COBL: variants seen among roughly 807,000 people sequenced by gnomAD.
COBL encodes the protein cordon-bleu WH2 repeat protein.
COBL carries 51 observed loss-of-function variants against 98.8 expected under a neutral mutation model. The observed-to-expected ratio is 0.52, with a 90% CI of 0.41 to 0.65. The LOEUF is 0.65. COBL is among the 30% of genes least tolerant of loss of function. The probability of loss-of-function intolerance (pLI) is 0.00; values close to 1 mark genes in which losing one functional copy is unlikely to be tolerated. For missense variants in COBL, 1,617 were observed against 1,617.5 expected, an observed-to-expected ratio of 1.00 and a Z score of 0.01; for synonymous variants, 634 against 651.7, an observed-to-expected ratio of 0.97 and a Z score of 0.41.
Position 51,208,426 on chromosome 7 carries a change from G to A in COBL, c.245+11315C>T, listed in dbSNP as rs529004101. Among the ~76,000 whole-genome samples, 350 of 78,750 alleles carry A rather than the reference G, an allele frequency of 4.4e-3. 5 individuals carry two copies. Among genetic ancestry groups the A allele is most frequent in the East Asian group, 0.026 (58 of 2,244 alleles). 51.7% of individuals were successfully genotyped at this position (78,750 alleles called of 152,430 possible). A position where few individuals can be genotyped will look rare whatever the true frequency, so the allele number is the denominator to read the frequency against. On this transcript the variant is annotated intron_variant, in intron 2 of 12. Coordinates refer to ENST00000265136, the MANE Select transcript of COBL (RefSeq NM_015198.5). ...CCCCGCCCGGCCAGCCGCCCCGTCC[G>A]GGAGGGAGGTGGGGGGGGTCAGCCC...
intron 2 of COBL, among the ~76,000 whole-genome samples, chr7:51,214,822 G>A (rs1467140212): frequency 6.6e-6 from 1 of 152,144 alleles, no homozygotes; most frequent in African/African-American, 2.4e-5. Flanking sequence ...TGCTTGCCTA[G>A]CACTGTTCCC....
At chr7:51,211,765 T>C (rs1459672221) in intron 2 of COBL, among the ~76,000 whole-genome samples, 1 of 152,156 alleles carries the variant, frequency 6.6e-6, no homozygotes, top group Non-Finnish European at 1.5e-5. Context: ...GTCAGGTATG[T>C]TAGGAAAGTG....
intron 1 of COBL, among the ~76,000 whole-genome samples, chr7:51,269,573 C>G (rs1382258539): frequency 6.6e-6 from 1 of 152,234 alleles, no homozygotes; most frequent in African/African-American, 2.4e-5. Flanking sequence ...CCTGCCCCTG[C>G]TCCGGCCACT....
intron 1 of COBL, among the ~76,000 whole-genome samples, chr7:51,293,082 T>C (rs1249655093): frequency 6.6e-6 from 1 of 152,248 alleles, no homozygotes; most frequent in Admixed American, 6.5e-5. Context: ...TTAATTCTCA[T>C]CCACTGCTAG....
At chr7:51,089,944 A>C (rs1346738334) in intron 6 of COBL, among the ~76,000 whole-genome samples, 1 of 152,208 alleles carries the variant, frequency 6.6e-6, no homozygotes, top group African/African-American at 2.4e-5. Context: ...AATTAACTAA[A>C]TTAGCCCCTA....
In COBL at chr7:51,092,274, C is replaced by T. The variant is rs537108162; in HGVS notation, c.958-6970G>A. ...CTTCCACAAAACTGGTCCCTGGTGC[C>T]ACAAAGGGTGGGGACTACTGCTTCA... is the stretch of plus-strand genomic sequence containing the variant. On this transcript the variant is annotated intron_variant, in intron 6 of 12. Transcript: ENST00000265136. Among the ~76,000 whole-genome samples, 70 of 152,290 alleles carry T rather than the reference C, an allele frequency of 4.6e-4. 1 individual carries two copies. The highest frequency in any genetic ancestry group is 7.8e-4 in the Non-Finnish European group (53 of 68,020).
intron 1 of COBL, among the ~76,000 whole-genome samples, chr7:51,290,986 G>A (rs1363333409): frequency 6.6e-6 from 1 of 152,108 alleles, no homozygotes; most frequent in Non-Finnish European, 1.5e-5. Flanking sequence ...TCTTCTTTAG[G>A]TCTCCAGCAC....
chr7:51,073,314 G>T (rs1308487182), intron 7 of COBL: 2 of 688,436 alleles, frequency 2.9e-6, no homozygotes, highest in Non-Finnish European at 5.3e-6. Flanking sequence ...CACTGGGAAA[G>T]GTCCGAGGTC....
intron 6 of COBL, among the ~76,000 whole-genome samples, chr7:51,124,676 C>T (rs1480479468): frequency 1.3e-5 from 2 of 152,176 alleles, no homozygotes; most frequent in African/African-American, 4.8e-5. Flanking sequence ...ATAAAGTGCT[C>T]CAATTCAGTG....
chr7:51,277,143 G>T (rs965876197), intron 1 of COBL, among the ~76,000 whole-genome samples: 1 of 152,188 alleles, frequency 6.6e-6, no homozygotes, highest in African/African-American at 2.4e-5. Context: ...CATTGCCAAG[G>T]CACAGAACAA....
chr7:51,180,375 G>C (rs947941336), intron 5 of COBL, among the ~76,000 whole-genome samples: 1 of 152,120 alleles, frequency 6.6e-6, no homozygotes, highest in Non-Finnish European at 1.5e-5. Context: ...TTGAGATCTC[G>C]AGAAGAAAGA....
chr7:51,041,467 T>G (rs1394186173), intron 8 of COBL, among the ~76,000 whole-genome samples: 2 of 149,070 alleles, frequency 1.3e-5, no homozygotes, highest in Non-Finnish European at 3.0e-5. Flanking sequence ...TCAGTTTACC[T>G]TATTTCTTTC....
intron 6 of COBL, among the ~76,000 whole-genome samples, chr7:51,114,232 C>A (rs1197932614): frequency 2.6e-5 from 4 of 152,010 alleles, no homozygotes; most frequent in Admixed American, 1.3e-4. Flanking sequence ...AACAGCAGAA[C>A]CCCCAGGGAT....
intron 5 of COBL, among the ~76,000 whole-genome samples, chr7:51,180,892 T>C (rs999153010): frequency 6.6e-6 from 1 of 152,226 alleles, no homozygotes; most frequent in Non-Finnish European, 1.5e-5. Flanking sequence ...CCTGTGTGCA[T>C]TACGCTTTTA....
chr7:51,027,950 G>A lies in COBL; in HGVS notation c.3146C>T (p.Pro1049Leu). 1 of 1,611,806 alleles carries A rather than the reference G, an allele frequency of 6.2e-7. No individual in the cohort carries two copies. The highest frequency in any genetic ancestry group is 8.5e-7 in the Non-Finnish European group (1 of 1,178,700). ...GSVRAPGHGEPSHPPGGSGTE... is the reference protein window; with the variant it reads ...GSVRAPGHGELSHPPGGSGTE... ...GCCAGACCCTCCTGGAGGGTGGGAA[G>A]GCTCGCCGTGGCCTGGGGCGCGCAC... Residue 1049 changes from proline (P) to leucine (L), a missense_variant, in exon 10 of 13, where the codon CCT becomes CTT. By Grantham distance (98) the Pro-to-Leu change is moderately conservative. Around this residue, in one of 3 missense-constraint regions of COBL, gnomAD observed 1,304 missense variants for 1,282.0 expected, o/e 1.02. Coordinates refer to ENST00000265136, the MANE Select transcript of COBL (RefSeq NM_015198.5).
intron 7 of COBL, among the ~76,000 whole-genome samples, chr7:51,074,941 C>A (rs2128927680): frequency 6.6e-6 from 1 of 152,266 alleles, no homozygotes; most frequent in South Asian, 2.1e-4. Flanking sequence ...CCAGTTGATT[C>A]TCATAGAATG....
intron 7 of COBL, among the ~76,000 whole-genome samples, chr7:51,062,384 G>A (rs866311262): frequency 1.6e-5 from 2 of 126,834 alleles, no homozygotes; most frequent in Non-Finnish European, 4.0e-5. Flanking sequence ...ATAATCCCAA[G>A]CTCTGGGTCA....
intron 5 of COBL, among the ~76,000 whole-genome samples, chr7:51,151,722 G>A (rs921565570): frequency 1.3e-5 from 2 of 152,196 alleles, no homozygotes; most frequent in Non-Finnish European, 2.9e-5. Flanking sequence ...AGGACAAACT[G>A]AAAAACAATC....
chr7:51,210,269 A>C (rs1007074957), intron 2 of COBL, among the ~76,000 whole-genome samples: 1 of 152,010 alleles, frequency 6.6e-6, no homozygotes, highest in African/African-American at 2.4e-5. Flanking sequence ...CCACCTGCCC[A>C]AATTTAAATT....
Sources: allele counts gnomAD v4.1 joint callset (sites outside exome capture counted in the v4.1 genomes callset), GRCh38; gene constraint gnomAD v4.1.1; regional missense constraint gnomAD v4.1.1; transcripts MANE v1.5; gene names NCBI Gene and HGNC (gene_info 2026-07-23, HGNC 2026-07-21).